Variants in LEF1 observed in about 807,000 individuals in gnomAD.
LEF1 encodes lymphoid enhancer binding factor 1, also known as lymphoid enhancer-binding factor 1.
LEF1 carries 14 observed loss-of-function variants against 51.2 expected under a neutral mutation model. That is an observed-to-expected ratio of 0.27 (90% confidence interval 0.18 to 0.43). The LOEUF (loss-of-function observed/expected upper bound fraction) is 0.43, where lower values mean the gene tolerates loss of function less well. Among genes scored for constraint, LEF1 ranks in the 20% least tolerant of loss-of-function variants. The pLI is 1.00. For synonymous variants in LEF1, 185 were observed against 183.2 expected (o/e 1.01, Z -0.08); for missense variants, 386 against 512.0 (o/e 0.75, Z 2.37).
intron 3 of LEF1, among the ~76,000 whole-genome samples, chr4:108,149,624 T>G (rs1162647712): frequency 6.8e-6 from 1 of 148,148 alleles, no homozygotes; most frequent in Non-Finnish European, 1.5e-5. Context: ...TATATACATG[T>G]GTATATATAT....
chr4:108,108,947 T>G (rs1371629170), intron 3 of LEF1, among the ~76,000 whole-genome samples: 1 of 152,236 alleles, frequency 6.6e-6, no homozygotes, highest in East Asian at 1.9e-4. Flanking sequence ...AATACAGGAT[T>G]GGAACCAGAC....
At chr4:108,058,398 T>C (rs1369951755) in intron 11 of LEF1, among the ~76,000 whole-genome samples, 1 of 152,218 alleles carries the variant, frequency 6.6e-6, no homozygotes, top group African/African-American at 2.4e-5. Flanking sequence ...TCAAACATTA[T>C]AATTCTTTAC....
intron 3 of LEF1, among the ~76,000 whole-genome samples, chr4:108,126,446 T>C (rs1464318826): frequency 6.6e-6 from 1 of 152,198 alleles, no homozygotes; most frequent in Non-Finnish European, 1.5e-5. Flanking sequence ...GGATAAATTA[T>C]AACTTAATAG....
rs138442271 is a variant in LEF1, at chr4:108,081,284, C to A, written c.722+302G>T. On this transcript the variant is annotated intron_variant, in intron 6 of 11. Coordinates refer to ENST00000265165, the MANE Select transcript of LEF1 (RefSeq NM_016269.5). ...ATCAAACAAACTCTTCTTGTAATGT[C>A]CGCTTTCCGGACAGTTCCCATCCCA... Among the ~76,000 whole-genome samples, 8 of 152,254 alleles carry A rather than the reference C, an allele frequency of 5.3e-5. 1 individual carries two copies. The highest frequency in any genetic ancestry group is 1.7e-4 in the African/African-American group (7 of 41,544).
intron 3 of LEF1, among the ~76,000 whole-genome samples, chr4:108,160,054 C>G (rs1744971938): frequency 6.6e-6 from 1 of 152,158 alleles, no homozygotes; most frequent in African/African-American, 2.4e-5. Context: ...CCTCCCCAAG[C>G]ATCTGAAGAG....
At chr4:108,096,879 A>G (rs1740425371) in intron 3 of LEF1, among the ~76,000 whole-genome samples, 1 of 152,318 alleles carries the variant, frequency 6.6e-6, no homozygotes. Context: ...GCAAATCAAA[A>G]CTACCACGTG....
At chr4:108,071,843 C>T (rs373240812) in intron 8 of LEF1, 1 of 152,502 alleles carries the variant, frequency 6.6e-6, no homozygotes, top group East Asian at 1.9e-4. Context: ...AACATACATG[C>T]TCACCTGAGC....
chr4:108,154,137 A>AT (rs1744534362), intron 3 of LEF1, among the ~76,000 whole-genome samples: 4 of 152,176 alleles, frequency 2.6e-5, no homozygotes, highest in Admixed American at 2.6e-4. Context: ...ATGGTTAAGC[A>AT]TTTTTGAAAT....
chr4:108,099,605 TATATATATATATAA>T (rs1326533254), intron 3 of LEF1, among the ~76,000 whole-genome samples: 8 of 119,004 alleles, frequency 6.7e-5, no homozygotes, highest in African/African-American at 2.6e-4. Flanking sequence ...TATATATATA[TATATATATATATAA>T]ATAATACTTG....
In LEF1 at chr4:108,115,168, T is replaced by C. The variant is rs374535980; in HGVS notation, c.415-25911A>G. Among the ~76,000 whole-genome samples, 4 of 152,240 alleles carry C rather than the reference T, an allele frequency of 2.6e-5. No individual in the cohort carries two copies. In the South Asian group the frequency reaches 6.2e-4, roughly 24 times the overall value. ...TCTGTTAGGGACAAAAAGTATCTAC[T>C]GACAATGCAAGTATCCAAATTTATA... On this transcript the variant is annotated intron_variant, in intron 3 of 11. Transcript: ENST00000265165.
chr4:108,102,220 C>T (rs568351714), intron 3 of LEF1, among the ~76,000 whole-genome samples: 2 of 152,094 alleles, frequency 1.3e-5, no homozygotes, highest in Non-Finnish European at 2.9e-5. Context: ...TGAAGAACAT[C>T]AATAAAGCTT....
At chr4:108,079,383 A>C in intron 7 of LEF1, 109 bp downstream of exon 7, 1 of 1,247,720 alleles carries the variant, frequency 8.0e-7, no homozygotes, top group Non-Finnish European at 1.2e-6. Flanking sequence ...AGGTGCATTG[A>C]GTTTCACAGC....
chr4:108,118,719 G>A (rs1255547381), intron 3 of LEF1, among the ~76,000 whole-genome samples: 9 of 152,112 alleles, frequency 5.9e-5, no homozygotes, highest in Admixed American at 4.6e-4. Context: ...ACAAACAGCT[G>A]TGGCAGGAGA....
rs1322666246 is a variant in LEF1, at chr4:108,167,666, C to T, written c.102G>A (p.Lys34=). The T allele has an allele frequency of 6.2e-7, 1 of 1,614,222 alleles. No homozygotes were observed. The change falls in exon 1 of 12, where the codon AAG becomes AAA. Residue 34 remains lysine, a synonymous_variant. Transcript: ENST00000265165. This position sits in a 1 kb window ranked among gnomAD's most constrained non-coding sequence, Gnocchi z 5.7. ...IPFKDEGDPQ[K]EKIFAEISHP... ...GACTGATCTCGGCGAAGATCTTTTC[C>T]TTCTGAGGATCGCCCTCGTCCTTGA...
intron 3 of LEF1, among the ~76,000 whole-genome samples, chr4:108,102,528 G>T (rs144235149): frequency 1.6e-3 from 246 of 152,244 alleles, no homozygotes; most frequent in East Asian, 0.011. Context: ...GAGGAAAGTG[G>T]CATTCCTCAG....
intron 3 of LEF1, among the ~76,000 whole-genome samples, chr4:108,133,946 C>T (rs1459344906): frequency 6.6e-6 from 1 of 152,102 alleles, no homozygotes; most frequent in Non-Finnish European, 1.5e-5. Flanking sequence ...ATCTGAAATC[C>T]TTGGGGCTGC....
intron 9 of LEF1, among the ~76,000 whole-genome samples, chr4:108,066,929 A>C (rs1265911644): frequency 1.3e-5 from 2 of 152,232 alleles, no homozygotes; most frequent in Non-Finnish European, 2.9e-5. Flanking sequence ...AATCTATGTC[A>C]TGTAATAGGG....
chr4:108,124,121 CAG>C (rs1334962502), intron 3 of LEF1, among the ~76,000 whole-genome samples: 3 of 152,170 alleles, frequency 2.0e-5, no homozygotes, highest in African/African-American at 7.2e-5. Context: ...GCCTGTGGAA[CAG>C]AGAGACTCTA....
chr4:108,149,635 G>A (rs142906861), intron 3 of LEF1, among the ~76,000 whole-genome samples: 19 of 146,844 alleles, frequency 1.3e-4, no homozygotes, highest in African/African-American at 4.5e-4. Context: ...GTATATATAT[G>A]TACATATATG....
Sources: allele counts gnomAD v4.1 joint callset (sites outside exome capture counted in the v4.1 genomes callset), GRCh38; gene constraint gnomAD v4.1.1; non-coding constraint Gnocchi (gnomAD v3.1); transcripts MANE v1.5; gene names NCBI Gene and HGNC (gene_info 2026-07-23, HGNC 2026-07-21).